Variants in SDCCAG8 observed in about 807,000 individuals in gnomAD.
SDCCAG8 encodes serologically defined colon cancer antigen 8.
Under a neutral mutation model 101.8 loss-of-function variants are expected in SDCCAG8, and 74 were observed. That is an observed-to-expected ratio of 0.73 (90% CI 0.60 to 0.88). The LOEUF (loss-of-function observed/expected upper bound fraction) is 0.88, where lower values mean the gene tolerates loss of function less well. SDCCAG8 is among the 40% of genes least tolerant of loss of function. SDCCAG8 has a pLI of 0.00. For synonymous variants in SDCCAG8, 281 were observed against 292.9 expected, an observed-to-expected ratio of 0.96 and a Z score of 0.41; for missense variants, 787 against 822.6, an observed-to-expected ratio of 0.96 and a Z score of 0.53.
chr1:243,467,666 T>C (rs988303139), intron 16 of SDCCAG8, among the ~76,000 whole-genome samples: 2 of 152,274 alleles, frequency 1.3e-5, no homozygotes, highest in African/African-American at 4.8e-5. Flanking sequence ...AGTTCATTTT[T>C]ACTGAAAGAC....
intron 1 of SDCCAG8, 81 bp from the exon 2 acceptor site, chr1:243,270,024 T>TA: frequency 6.3e-7 from 1 of 1,597,816 alleles, no homozygotes. Context: ...ATTTCACCTT[T>TA]AAAAACTGCC....
intron 16 of SDCCAG8, among the ~76,000 whole-genome samples, chr1:243,441,431 C>G (rs61833161): frequency 0.18 from 27,245 of 152,108 alleles, 2,637 homozygotes; most frequent in African/African-American, 0.23. Flanking sequence ...TTCCTGCTCT[C>G]TTTTCACGGT....
intron 5 of SDCCAG8, among the ~76,000 whole-genome samples, chr1:243,291,036 A>G (rs1415363220): frequency 1.3e-5 from 2 of 152,202 alleles, no homozygotes; most frequent in African/African-American, 4.8e-5. Context: ...AACTTCCAGA[A>G]GAATATAAAA....
At chr1:243,465,368 G>A (rs777987582) in intron 16 of SDCCAG8, among the ~76,000 whole-genome samples, 2 of 152,228 alleles carry the variant, frequency 1.3e-5, no homozygotes, top group Non-Finnish European at 2.9e-5. Context: ...GAGAACCAGC[G>A]TGAAGAACAC....
chr1:243,363,362 G>GGT (rs1376845835), intron 12 of SDCCAG8, among the ~76,000 whole-genome samples: 3 of 152,190 alleles, frequency 2.0e-5, no homozygotes, highest in African/African-American at 7.2e-5. Flanking sequence ...TGTGACAGAA[G>GGT]CTTGCCTTGA....
At chr1:243,294,482 G>GGGAGGGAGAGAGAGAGAAAGAGC (rs1259035129) in intron 6 of SDCCAG8, among the ~76,000 whole-genome samples, 1 of 99,954 alleles carries the variant, frequency 1.0e-5, no homozygotes, top group Non-Finnish European at 2.0e-5. Context: ...GTGGGGGGGG[G>GGGAGGGAGAGAGAGAGAAAGAGC]GAGAGAGAGA....
intron 7 of SDCCAG8, chr1:243,306,084 TAAAAAA>T (rs67568926): frequency 2.8e-5 from 3 of 108,262 alleles, no homozygotes; most frequent in African/African-American, 3.7e-5. Context: ...AGACTCCATC[TAAAAAA>T]AAAAAAAAAA....
chr1:243,270,821 CTT>C (rs78256147), intron 2 of SDCCAG8, among the ~76,000 whole-genome samples, 155 bp from the exon 3 acceptor site: 3 of 141,646 alleles, frequency 2.1e-5, no homozygotes, highest in Non-Finnish European at 3.1e-5. Context: ...GGTAGAAATT[CTT>C]TTTTTTTTTT....
intron 13 of SDCCAG8, among the ~76,000 whole-genome samples, chr1:243,407,585 G>A (rs1331163284): frequency 3.3e-5 from 5 of 152,174 alleles, no homozygotes; most frequent in Admixed American, 3.3e-4. Flanking sequence ...TGCCTTGAAG[G>A]TAAGTTTTCA....
At chr1:243,297,925 T>C (rs2071092870) in intron 6 of SDCCAG8, among the ~76,000 whole-genome samples, 1 of 152,184 alleles carries the variant, frequency 6.6e-6, no homozygotes, top group South Asian at 2.1e-4. Context: ...CTTTGATGGC[T>C]AGAACTTCAG....
At chr1:243,495,014 A>T (rs2148300017) in intron 17 of SDCCAG8, among the ~76,000 whole-genome samples, 1 of 152,336 alleles carries the variant, frequency 6.6e-6, no homozygotes, top group East Asian at 1.9e-4. Context: ...GGAATTCTTA[A>T]AATCTATTTA....
At chr1:243,434,179 A>G (rs1364046144) in intron 16 of SDCCAG8, among the ~76,000 whole-genome samples, 1 of 152,234 alleles carries the variant, frequency 6.6e-6, no homozygotes. Context: ...CATCAGTGGT[A>G]TAATGGTTTC....
At chr1:243,402,674 G>A (rs542945095) in intron 13 of SDCCAG8, among the ~76,000 whole-genome samples, 10 of 152,228 alleles carry the variant, frequency 6.6e-5, no homozygotes, top group Admixed American at 1.3e-4. Flanking sequence ...AGCCCTAGAC[G>A]TTTGTTACTC....
chr1:243,495,160 G>A (rs928193681), intron 17 of SDCCAG8, among the ~76,000 whole-genome samples: 1 of 152,240 alleles, frequency 6.6e-6, no homozygotes, highest in Non-Finnish European at 1.5e-5. Context: ...GGGCTTGGGT[G>A]CGCCCTGGGG....
At chr1:243,308,292 C>A in intron 8 of SDCCAG8, 115 bp downstream of exon 8, 1 of 1,169,200 alleles carries the variant, frequency 8.6e-7, no homozygotes, top group Non-Finnish European at 1.3e-6. Context: ...TGTTAATCTT[C>A]AAATACAGTG....
rs989251089 is a variant in SDCCAG8 at position 243,411,444 on chromosome 1, A to T, written c.1617-4258A>T. Among the ~76,000 whole-genome samples, 7 of 152,272 alleles carry T rather than the reference A, an allele frequency of 4.6e-5. No individual in the cohort carries two copies. The East Asian group carries it at 1.4e-3, about 29-fold the overall frequency. ...TTAAAGATCAGCTTTATTGGGGTAAATTTAAATATAATAAAATATCACCAA... is the reference window on the plus strand; with the variant it reads ...TTAAAGATCAGCTTTATTGGGGTAATTTTAAATATAATAAAATATCACCAA... On this transcript the variant is annotated intron_variant, in intron 13 of 17. Coordinates refer to ENST00000366541, the MANE Select transcript of SDCCAG8 (RefSeq NM_006642.5).
rs193204979 is a variant in SDCCAG8 at position 243,469,433 on chromosome 1, G to A, written c.1986-19581G>A. On this transcript the variant is annotated intron_variant, in intron 16 of 17. Transcript: ENST00000366541. ...CAGAGTCCTAGGCAATGGCAGTGTG[G>A]TTGAAATATACATGCTGTCCTCAAG... is the stretch of plus-strand genomic sequence containing the variant. Among the ~76,000 whole-genome samples the A allele has an allele frequency of 3.6e-3, 542 of 152,320 alleles. 3 individuals carry two copies. Among genetic ancestry groups the A allele is most frequent in the African/African-American group, 0.012 (488 of 41,568 alleles).
rs2066658271 is a variant in SDCCAG8, at chr1:243,256,252, C to T, written c.67+12C>T. 1 of 1,613,212 alleles carries T rather than the reference C, an allele frequency of 6.2e-7. No individual in the cohort carries two copies. Reference sequence around the variant, plus strand: ...ACGGAGTCTCCGGGGTGAGTTGCTCCAAACCTCTGTCCCTAGCCCCGAGGT... The same window carrying T: ...ACGGAGTCTCCGGGGTGAGTTGCTCTAAACCTCTGTCCCTAGCCCCGAGGT... On this transcript the variant is annotated intron_variant, in intron 1 of 17. Coordinates refer to ENST00000366541, the MANE Select transcript of SDCCAG8 (RefSeq NM_006642.5).
intron 16 of SDCCAG8, among the ~76,000 whole-genome samples, chr1:243,439,135 GCTT>G (rs1053084432): frequency 2.8e-4 from 43 of 152,178 alleles, no homozygotes; most frequent in African/African-American, 1.0e-3. Context: ...ACTGGTGACT[GCTT>G]CTTCTTTTAT....
Sources: allele counts gnomAD v4.1 joint callset (sites outside exome capture counted in the v4.1 genomes callset), GRCh38; gene constraint gnomAD v4.1.1; transcripts MANE v1.5; gene names NCBI Gene and HGNC (gene_info 2026-07-23, HGNC 2026-07-21).